BRIP1: variants seen among roughly 807,000 people sequenced by gnomAD.
The protein encoded by BRIP1 is Fanconi anemia group J protein.
A neutral mutation model predicts 119.7 loss-of-function variants in BRIP1; 88 were observed. That is an observed-to-expected ratio of 0.74 (90% confidence interval 0.62 to 0.88). BRIP1 has a LOEUF of 0.88. Among genes scored for constraint, BRIP1 ranks in the 40% least tolerant of loss-of-function variants. The pLI is 0.00. For synonymous variants in BRIP1, 443 were observed against 496.5 expected (o/e 0.89, Z 1.43); for missense variants, 1,259 against 1,455.4 (o/e 0.87, Z 2.20).
rs1251761849 is a variant in BRIP1 at position 61,768,913 on chromosome 17, A to G, written c.2097+7488T>C. On this transcript the variant is annotated intron_variant, in intron 14 of 19. Coordinates refer to ENST00000259008, the MANE Select transcript of BRIP1 (RefSeq NM_032043.3). This position sits in a 1 kb window ranked among gnomAD's most constrained non-coding sequence, Gnocchi z 5.0. Reference sequence around the variant, plus strand: ...CTTAAAAGATACAATGCACCCCTACAGAAGAGACACCTTTGTTGGCTTTGA... The same window carrying G: ...CTTAAAAGATACAATGCACCCCTACGGAAGAGACACCTTTGTTGGCTTTGA... Among the ~76,000 whole-genome samples the G allele has an allele frequency of 6.6e-6, 1 of 152,126 alleles. No individual in the cohort carries two copies. The highest frequency in any genetic ancestry group is 1.5e-5 in the Non-Finnish European group (1 of 68,030).
chr17:61,746,706 T>C lies in BRIP1; in HGVS notation c.2098-2115A>G, dbSNP rs778229925. 6.6e-6 allele frequency among the ~76,000 whole-genome samples: 1 copy of C among 152,142 alleles called. No homozygotes were observed. Among genetic ancestry groups the C allele is most frequent in the Non-Finnish European group, 1.5e-5 (1 of 68,014 alleles). ...AAATATAGCAAGCAAATAGTGATTG[T>C]ACTGAAGAGAGAAATAAACAGCAAT... On this transcript the variant is annotated intron_variant, in intron 14 of 19. Transcript: ENST00000259008. The surrounding 1 kb of genome is among the most constrained non-coding windows in gnomAD (Gnocchi z 4.9).
chr17:61,812,912 G>A (rs749485946), intron 6 of BRIP1, among the ~76,000 whole-genome samples: 12 of 151,896 alleles, frequency 7.9e-5, no homozygotes, highest in Non-Finnish European at 1.5e-4. Context: ...AAGTTCAAAC[G>A]GTAACATACC....
Position 61,753,738 on chromosome 17 carries a change from A to T in BRIP1, c.2098-9147T>A, listed in dbSNP as rs984406606. ...CACCTCAACCTCTCAAGTAGCTGGG[A>T]CTACAGGTATGCACTGCCATGTCTG... On this transcript the variant is annotated intron_variant, in intron 14 of 19. Transcript: ENST00000259008. The surrounding 1 kb of genome is among the most constrained non-coding windows in gnomAD (Gnocchi z 4.6). 1.3e-5 allele frequency among the ~76,000 whole-genome samples: 2 copies of T among 151,898 alleles called. No homozygotes were observed. The highest frequency in any genetic ancestry group is 2.9e-5 in the Non-Finnish European group (2 of 67,978).
rs934108109 is a variant in BRIP1, at chr17:61,825,296, A to AAAAAG, written c.628-16544_628-16540dup. Among the ~76,000 whole-genome samples, 27 of 151,956 alleles carry AAAAAG rather than the reference A, an allele frequency of 1.8e-4. No individual in the cohort carries two copies. The highest frequency in any genetic ancestry group is 3.4e-4 in the African/African-American group (14 of 41,434). The stretch of plus-strand genomic sequence containing the variant: ...CAAGACTCTGTCTCAAAACGAAAAA[A>AAAAAG]AAAAGAAAAGAAAAGAAAAGAAAAG... On this transcript the variant is annotated intron_variant, in intron 6 of 19. Transcript: ENST00000259008. The surrounding 1 kb of genome is among the most constrained non-coding windows in gnomAD (Gnocchi z 4.1).
intron 7 of BRIP1, among the ~76,000 whole-genome samples, chr17:61,801,806 A>G (rs999580545): frequency 2.0e-5 from 3 of 152,196 alleles, no homozygotes; most frequent in African/African-American, 7.2e-5. Context: ...TACTTCTGAA[A>G]GGATTCACAA....
Position 61,744,408 on chromosome 17 carries a change from G to A in BRIP1, c.2257+24C>T, listed in dbSNP as rs773364678. ...TTGTAATAAAAAATATTTTTTCACC[G>A]ACCATGAAATAATTTCCAGTTACCT... On this transcript the variant is annotated intron_variant, in intron 15 of 19. Transcript: ENST00000259008. The surrounding 1 kb of genome is among the most constrained non-coding windows in gnomAD (Gnocchi z 5.0). 63 of 1,607,120 alleles carry A rather than the reference G, an allele frequency of 3.9e-5. No individual in the cohort carries two copies. Among genetic ancestry groups the A allele is most frequent in the Admixed American group, 5.0e-5 (3 of 59,782 alleles).
At chr17:61,790,594 T>C (rs1414988333) in intron 10 of BRIP1, among the ~76,000 whole-genome samples, 2 of 152,146 alleles carry the variant, frequency 1.3e-5, no homozygotes, top group African/African-American at 4.8e-5. Flanking sequence ...AAGCAGTTCA[T>C]TTTTTATTGC....
chr17:61,849,389 A>T (rs1482034883), intron 4 of BRIP1, 133 bp from the exon 5 acceptor site: 2 of 742,508 alleles, frequency 2.7e-6, no homozygotes, highest in Non-Finnish European at 4.3e-6. Context: ...TGAAACTTAA[A>T]CATGTTTAAA....
At position 61,801,457 on chromosome 17, in the gene BRIP1, A is replaced by G; in HGVS notation, c.936T>C (p.Phe312=). 6.2e-7 allele frequency: 1 copy of G among 1,612,108 alleles called. No homozygotes were observed. Among genetic ancestry groups the G allele is most frequent in the Non-Finnish European group, 8.5e-7 (1 of 1,178,262 alleles). The change falls in exon 8 of 20, where the codon TTT becomes TTC. Residue 312 remains phenylalanine, a synonymous_variant. Transcript: ENST00000259008. The stretch of plus-strand genomic sequence containing the variant: ...CACTAATTTTATGAACTCCATGATA[A>G]AAATAGCAGGATTTTCCCTAGAAAC... ...LDGKNGKSCY[F]YHGVHKISDQ... is the part of the protein sequence containing the mutation.
intron 6 of BRIP1, among the ~76,000 whole-genome samples, chr17:61,817,941 A>T (rs548284141): frequency 6.6e-6 from 1 of 152,210 alleles, no homozygotes; most frequent in South Asian, 2.1e-4. Flanking sequence ...ACTTTTCTTA[A>T]TCTTTTTTGT....
At position 61,754,883 on chromosome 17, in the gene BRIP1, C is replaced by T. The variant is rs1304995155; in HGVS notation, c.2098-10292G>A. On this transcript the variant is annotated intron_variant, in intron 14 of 19. Coordinates refer to ENST00000259008, the MANE Select transcript of BRIP1 (RefSeq NM_032043.3). This position sits in a 1 kb window ranked among gnomAD's most constrained non-coding sequence, Gnocchi z 4.1. ...CAGATAAGGAAGGCCCTTACAGCCT[C>T]ATTTAACCGCAATTACTTCCTTAGA... 6.6e-6 allele frequency among the ~76,000 whole-genome samples: 1 copy of T among 152,142 alleles called. No individual in the cohort carries two copies. Among genetic ancestry groups the T allele is most frequent in the African/African-American group, 2.4e-5 (1 of 41,436 alleles).
chr17:61,761,995 C>T lies in BRIP1; in HGVS notation c.2097+14406G>A, dbSNP rs1603311351. ...AACAAAAATGGAGGCATCACACGAC[C>T]TGATTCCAAACCACACTGCAAAGCT... is the stretch of plus-strand genomic sequence containing the variant. On this transcript the variant is annotated intron_variant, in intron 14 of 19. Coordinates refer to ENST00000259008, the MANE Select transcript of BRIP1 (RefSeq NM_032043.3). The surrounding 1 kb of genome is among the most constrained non-coding windows in gnomAD (Gnocchi z 6.4). 1.3e-5 allele frequency among the ~76,000 whole-genome samples: 2 copies of T among 152,070 alleles called. No homozygotes were observed. Among genetic ancestry groups the T allele is most frequent in the Admixed American group, 1.3e-4 (2 of 15,238 alleles).
rs1378472978 is a variant in BRIP1, at chr17:61,803,325, C to T, written c.919-1851G>A. Among the ~76,000 whole-genome samples the T allele has an allele frequency of 6.6e-6, 1 of 152,148 alleles. No homozygotes were observed. The highest frequency in any genetic ancestry group is 1.5e-5 in the Non-Finnish European group (1 of 68,036). On this transcript the variant is annotated intron_variant, in intron 7 of 19. Transcript: ENST00000259008. This position sits in a 1 kb window ranked among gnomAD's most constrained non-coding sequence, Gnocchi z 4.3. ...TCTTGAACTCCTGAACTCAAGCGAT[C>T]CGCCTGCCTCGGCCTCCCAAAGTGC...
Position 61,685,938 on chromosome 17 carries a change from C to G in BRIP1, c.2803G>C (p.Val935Leu). ...AASHLSPENF[V>L]EDEAKICVQE... ...ACACATATCTTTGCTTCATCTTCCA[C>G]AAAATTTTCTGGTGATAGATGACTT... The change falls in exon 19 of 20, where the codon GTG becomes CTG. Residue 935 changes from valine (V) to leucine (L), a missense_variant. Val to Leu is a conservative substitution (Grantham distance 32, BLOSUM62 1). Transcript: ENST00000259008. The G allele has an allele frequency of 6.2e-7, 1 of 1,614,032 alleles. No individual in the cohort carries two copies. The highest frequency in any genetic ancestry group is 8.5e-7 in the Non-Finnish European group (1 of 1,179,944).
rs183123473 is a variant in BRIP1, at chr17:61,768,770, T to C, written c.2097+7631A>G. The stretch of plus-strand genomic sequence containing the variant: ...AGACTTTACTTCCATGATTAGATTA[T>C]ATTATGTAGTAAAGATGAGGGGATT... On this transcript the variant is annotated intron_variant, in intron 14 of 19. Coordinates refer to ENST00000259008, the MANE Select transcript of BRIP1 (RefSeq NM_032043.3). This position sits in a 1 kb window ranked among gnomAD's most constrained non-coding sequence, Gnocchi z 5.0. Among the ~76,000 whole-genome samples the C allele has an allele frequency of 6.6e-6, 1 of 152,108 alleles. No homozygotes were observed. Among genetic ancestry groups the C allele is most frequent in the Non-Finnish European group, 1.5e-5 (1 of 68,024 alleles).
In BRIP1 at chr17:61,744,333, T is replaced by A; in HGVS notation, c.2257+99A>T. The A allele has an allele frequency of 7.7e-7, 1 of 1,306,060 alleles. No homozygotes were observed. The highest frequency in any genetic ancestry group is 1.1e-6 in the Non-Finnish European group (1 of 931,580). 80.9% of individuals were successfully genotyped at this position (1,306,060 alleles called of 1,614,324 possible). On this transcript the variant is annotated intron_variant, in intron 15 of 19. Transcript: ENST00000259008. The surrounding 1 kb of genome is among the most constrained non-coding windows in gnomAD (Gnocchi z 5.0). ...TTCACTCAGGATTATAATTTTTCTC[T>A]TAAGTGTAATTCATCTAAAAATATA...
Position 61,708,561 on chromosome 17 carries a change from T to C in BRIP1, c.2492+7390A>G, listed in dbSNP as rs2061727838. ...ACACTGGCCAATCCTTGTTCTAGTC[T>C]GTTGTGTTGTTTCTATTTTCTCAGA... On this transcript the variant is annotated intron_variant, in intron 17 of 19. Coordinates refer to ENST00000259008, the MANE Select transcript of BRIP1 (RefSeq NM_032043.3). This position sits in a 1 kb window ranked among gnomAD's most constrained non-coding sequence, Gnocchi z 4.4. Among the ~76,000 whole-genome samples the C allele has an allele frequency of 6.6e-6, 1 of 152,252 alleles. No homozygotes were observed. Among genetic ancestry groups the C allele is most frequent in the Admixed American group, 6.5e-5 (1 of 15,286 alleles).
rs1032110873 is a variant in BRIP1 at position 61,776,040 on chromosome 17, C to A, written c.2097+361G>T. ...CTGGGACTATAGGTGTGTGCCACCACACCCAGCTAATTTTTGTATTTTGTA... is the reference window on the plus strand; with the variant it reads ...CTGGGACTATAGGTGTGTGCCACCAAACCCAGCTAATTTTTGTATTTTGTA... On this transcript the variant is annotated intron_variant, in intron 14 of 19. Transcript: ENST00000259008. This position sits in a 1 kb window ranked among gnomAD's most constrained non-coding sequence, Gnocchi z 5.0. 1.4e-4 allele frequency: 44 copies of A among 303,710 alleles called. No individual in the cohort carries two copies. The highest frequency in any genetic ancestry group is 2.0e-4 in the African/African-American group (9 of 45,610). 18.8% of individuals were successfully genotyped at this position (303,710 alleles called of 1,614,324 possible). A position where few individuals can be genotyped will look rare whatever the true frequency, so the allele number is the denominator to read the frequency against.
intron 14 of BRIP1, among the ~76,000 whole-genome samples, chr17:61,747,018 A>C (rs2077066929): frequency 6.6e-6 from 1 of 152,210 alleles, no homozygotes; most frequent in African/African-American, 2.4e-5. Flanking sequence ...ACTAAAATTC[A>C]GTATCAGAAA....
Sources: gnomAD v4.1 joint callset for allele counts (sites outside exome capture counted in the v4.1 genomes callset) on GRCh38, gnomAD v4.1.1 for gene constraint, Gnocchi (gnomAD v3.1) non-coding constraint, MANE v1.5 for transcripts, NCBI Gene and HGNC (gene_info 2026-07-23, HGNC 2026-07-21) for gene names.